SYT16: variants seen among roughly 807,000 people sequenced by gnomAD.
SYT16 encodes the protein synaptotagmin-16.
Under a neutral mutation model 61.4 loss-of-function variants are expected in SYT16, and 42 were observed. That is an observed-to-expected ratio of 0.68 (90% CI 0.53 to 0.89). The LOEUF is 0.89. Among genes scored for constraint, SYT16 ranks in the 40% least tolerant of loss-of-function variants. SYT16 has a pLI of 0.00. For missense variants in SYT16, 804 were observed against 807.3 expected, an observed-to-expected ratio of 1.00 and a Z score of 0.05; for synonymous variants, 314 against 302.3, an observed-to-expected ratio of 1.04 and a Z score of -0.40.
rs550652231 is a variant in SYT16, at chr14:61,875,496, A to T, written c.-325+62686A>T. 5.3e-5 allele frequency among the ~76,000 whole-genome samples: 8 copies of T among 152,272 alleles called. No individual in the cohort carries two copies. The South Asian group carries it at 1.5e-3, about 28-fold the overall frequency. On this transcript the variant is annotated intron_variant, in intron 1 of 7. Coordinates refer to ENST00000683842, the MANE Select transcript of SYT16 (RefSeq NM_001367656.1). Reference sequence around the variant, plus strand: ...GTTTTCATGTGGTTAAAACATTAAAATTTTTTTTCTCATGTAAGGTTTTTG... The same window carrying T: ...GTTTTCATGTGGTTAAAACATTAAATTTTTTTTTCTCATGTAAGGTTTTTG...
intron 1 of SYT16, among the ~76,000 whole-genome samples, chr14:61,838,657 T>A (rs1295231329): frequency 1.3e-5 from 2 of 152,218 alleles, no homozygotes; most frequent in Non-Finnish European, 2.9e-5. Context: ...GGATGGGAAC[T>A]TTTGTAAGTA....
At chr14:62,094,495 G>A (rs969646744) in intron 7 of SYT16, among the ~76,000 whole-genome samples, 5 of 151,988 alleles carry the variant, frequency 3.3e-5, no homozygotes, top group Admixed American at 3.3e-4. Flanking sequence ...AGTTATAGCA[G>A]GTGGAAGTGT....
chr14:61,966,560 A>G (rs2051323409), intron 1 of SYT16, among the ~76,000 whole-genome samples: 1 of 152,186 alleles, frequency 6.6e-6, no homozygotes, highest in Non-Finnish European at 1.5e-5. Flanking sequence ...TTTGCCATGT[A>G]GATAAAGTGA....
intron 3 of SYT16, among the ~76,000 whole-genome samples, chr14:62,054,320 T>G (rs1332001220): frequency 6.6e-6 from 1 of 151,342 alleles, no homozygotes; most frequent in Non-Finnish European, 1.5e-5. Flanking sequence ...TTTTTTTTTT[T>G]GAATATGGCC....
At chr14:61,841,829 T>G (rs1180439198) in intron 1 of SYT16, among the ~76,000 whole-genome samples, 1 of 152,204 alleles carries the variant, frequency 6.6e-6, no homozygotes, top group Non-Finnish European at 1.5e-5. Flanking sequence ...CCATCCATGT[T>G]GCTGCAAAGG....
At chr14:61,974,021 G>T (rs2051675929) in intron 2 of SYT16, among the ~76,000 whole-genome samples, 1 of 152,178 alleles carries the variant, frequency 6.6e-6, no homozygotes. Context: ...TGGAATTGTG[G>T]CAGGAGACTG....
intron 1 of SYT16, among the ~76,000 whole-genome samples, chr14:61,825,415 T>C (rs2045741352): frequency 1.3e-5 from 2 of 152,230 alleles, no homozygotes; most frequent in Non-Finnish European, 2.9e-5. Flanking sequence ...TGGCTGGGGC[T>C]CATGCCTGTA....
intron 7 of SYT16, among the ~76,000 whole-genome samples, chr14:62,085,755 T>C (rs577193902): frequency 6.6e-6 from 1 of 152,328 alleles, no homozygotes; most frequent in Admixed American, 6.5e-5. Flanking sequence ...TTATCAGCCA[T>C]ATTCTATGTC....
intron 1 of SYT16, among the ~76,000 whole-genome samples, chr14:61,896,317 C>A (rs1040221801): frequency 3.9e-5 from 6 of 152,180 alleles, no homozygotes; most frequent in Non-Finnish European, 7.3e-5. Flanking sequence ...TGTACAAACC[C>A]CTTTGTCCTG....
At chr14:61,862,695 G>A (rs1377700757) in intron 1 of SYT16, among the ~76,000 whole-genome samples, 2 of 152,184 alleles carry the variant, frequency 1.3e-5, no homozygotes, top group African/African-American at 4.8e-5. Flanking sequence ...TTGGACAAAT[G>A]TATAGTGACA....
chr14:62,065,393 C>A (rs987734183), intron 3 of SYT16, among the ~76,000 whole-genome samples: 4 of 151,738 alleles, frequency 2.6e-5, no homozygotes, highest in African/African-American at 9.7e-5. Flanking sequence ...ATGCAAAGTC[C>A]CAAGAAGGTA....
chr14:61,905,991 G>T (rs1194083152), intron 1 of SYT16, among the ~76,000 whole-genome samples: 1 of 152,120 alleles, frequency 6.6e-6, no homozygotes, highest in African/African-American at 2.4e-5. Flanking sequence ...TCTTGACCTC[G>T]TGATCCGCCT....
chr14:62,055,666 T>C (rs72718581), intron 3 of SYT16, among the ~76,000 whole-genome samples: 21,024 of 152,086 alleles, frequency 0.14, 1,633 homozygotes, highest in Middle Eastern at 0.23. Context: ...CTTAGGTGAA[T>C]AATCAGCAAC....
chr14:61,850,949 G>A (rs2046597062), intron 1 of SYT16, among the ~76,000 whole-genome samples: 1 of 151,956 alleles, frequency 6.6e-6, no homozygotes, highest in African/African-American at 2.4e-5. Context: ...AGATGTGCAG[G>A]TTTGTTATAT....
At chr14:62,081,327 A>G in intron 6 of SYT16, 53 bp downstream of exon 6, 8 of 1,540,402 alleles carry the variant, frequency 5.2e-6, no homozygotes, top group African/African-American at 1.4e-5. Context: ...AAGACCTGGG[A>G]TTGTCAGCCC....
intron 1 of SYT16, among the ~76,000 whole-genome samples, chr14:61,843,169 G>A (rs374409680): frequency 2.6e-5 from 4 of 151,742 alleles, no homozygotes; most frequent in South Asian, 2.1e-4. Context: ...ACTGTTCTTC[G>A]TAGTTATTGT....
intron 5 of SYT16, among the ~76,000 whole-genome samples, chr14:62,080,528 A>G (rs1275983388): frequency 6.6e-6 from 1 of 152,210 alleles, no homozygotes; most frequent in African/African-American, 2.4e-5. Context: ...GTTGGTTTCA[A>G]TGATCCTGGG....
intron 3 of SYT16, among the ~76,000 whole-genome samples, chr14:62,047,287 G>A (rs896231201): frequency 1.2e-4 from 19 of 152,266 alleles, no homozygotes; most frequent in African/African-American, 4.1e-4. Flanking sequence ...TCTGTTATTG[G>A]TGTATAAGAA....
At chr14:61,861,328 A>G (rs2046955825) in intron 1 of SYT16, among the ~76,000 whole-genome samples, 1 of 152,236 alleles carries the variant, frequency 6.6e-6, no homozygotes, top group Non-Finnish European at 1.5e-5. Flanking sequence ...TTTGGTAAAA[A>G]TATAAACATT....
Sources: gnomAD v4.1 joint callset for allele counts (sites outside exome capture counted in the v4.1 genomes callset) on GRCh38, gnomAD v4.1.1 for gene constraint, MANE v1.5 for transcripts, NCBI Gene and HGNC (gene_info 2026-07-23, HGNC 2026-07-21) for gene names.